PLCE1: variants seen among roughly 807,000 people sequenced by gnomAD.
The protein encoded by PLCE1 is 1-phosphatidylinositol 4,5-bisphosphate phosphodiesterase epsilon-1.
Under a neutral mutation model 242.8 loss-of-function variants are expected in PLCE1, and 119 were observed. The ratio of observed to expected loss-of-function variants is 0.49; its 90% confidence interval spans 0.42 to 0.57. The LOEUF (loss-of-function observed/expected upper bound fraction) is 0.57, where lower values mean the gene tolerates loss of function less well. PLCE1 is among the 20% of genes least tolerant of loss of function. The probability of loss-of-function intolerance (pLI) is 0.00; values close to 1 mark genes in which losing one functional copy is unlikely to be tolerated. For missense variants in PLCE1, 2,441 were observed against 2,788.8 expected, an observed-to-expected ratio of 0.88 and a Z score of 2.81; for synonymous variants, 945 against 1,017.4, an observed-to-expected ratio of 0.93 and a Z score of 1.35.
chr10:94,271,306 C>CT (rs35048796), intron 18 of PLCE1, among the ~76,000 whole-genome samples: 1,965 of 73,332 alleles, frequency 0.027, 366 homozygotes, highest in African/African-American at 0.072. Flanking sequence ...AGAAGATCAT[C>CT]TTTTTTTTTT....
chr10:94,213,118 C>T (rs914764396), intron 4 of PLCE1, among the ~76,000 whole-genome samples: 1 of 152,306 alleles, frequency 6.6e-6, no homozygotes, highest in South Asian at 2.1e-4. Context: ...GGTTACCACT[C>T]CCCAGTTACA....
At chr10:94,319,126 A>C (rs1483564280) in intron 29 of PLCE1, among the ~76,000 whole-genome samples, 1 of 152,188 alleles carries the variant, frequency 6.6e-6, no homozygotes, top group Non-Finnish European at 1.5e-5. Flanking sequence ...AAAGGAAGGC[A>C]TTTTGAAGAA....
intron 30 of PLCE1, 118 bp downstream of exon 30, chr10:94,322,177 AG>A: frequency 1.1e-6 from 1 of 950,420 alleles, no homozygotes; most frequent in Non-Finnish European, 1.7e-6. Context: ...GGGACCTCAA[AG>A]GGGAGTGTGT....
chr10:94,134,848 A>C (rs1195677403), intron 3 of PLCE1, among the ~76,000 whole-genome samples: 1 of 152,200 alleles, frequency 6.6e-6, no homozygotes, highest in East Asian at 1.9e-4. Context: ...TGTTATCTTT[A>C]AATTGGCGTT....
chr10:94,226,171 A>G (rs1173487777), intron 4 of PLCE1, among the ~76,000 whole-genome samples: 1 of 152,264 alleles, frequency 6.6e-6, no homozygotes, highest in African/African-American at 2.4e-5. Context: ...GCTGCATATC[A>G]TAAGGGGAGG....
chr10:94,150,480 C>A (rs2047238948), intron 3 of PLCE1, among the ~76,000 whole-genome samples: 1 of 152,170 alleles, frequency 6.6e-6, no homozygotes, highest in African/African-American at 2.4e-5. Flanking sequence ...GTAGTGATCC[C>A]AATCCACTTC....
intron 2 of PLCE1, among the ~76,000 whole-genome samples, chr10:94,091,752 A>G (rs1402241570): frequency 1.3e-5 from 2 of 152,118 alleles, no homozygotes; most frequent in Non-Finnish European, 2.9e-5. Flanking sequence ...GGAAATAGGG[A>G]AATAGTCAAT....
chr10:93,995,164 C>G lies in PLCE1; in HGVS notation c.-365+906C>G, dbSNP rs2060797123. 3.9e-5 allele frequency among the ~76,000 whole-genome samples: 6 copies of G among 152,186 alleles called. No individual in the cohort carries two copies. In the South Asian group the frequency reaches 1.2e-3, roughly 32 times the overall value. Reference sequence around the variant, plus strand: ...GAGAGCCTGACTTGGGAGGTGGAAGCAGGTGACCCCATAGGTGCTTGTACA... The same window carrying G: ...GAGAGCCTGACTTGGGAGGTGGAAGGAGGTGACCCCATAGGTGCTTGTACA... On this transcript the variant is annotated intron_variant, in intron 1 of 32. Transcript: ENST00000371380.
chr10:94,258,983 C>T lies in PLCE1; in HGVS notation c.3678-31C>T, dbSNP rs561870039. The T allele has an allele frequency of 1.1e-4, 179 of 1,614,012 alleles. 2 individuals carry two copies. In the South Asian group the frequency reaches 1.5e-3, roughly 14 times the overall value. On this transcript the variant is annotated intron_variant, in intron 12 of 32. Transcript: ENST00000371380. Reference sequence around the variant, plus strand: ...GCCCCCCCATTTCTATAAAGATACTCAATGAGAGGTGTTTTCCATTCCTCA... The same window carrying T: ...GCCCCCCCATTTCTATAAAGATACTTAATGAGAGGTGTTTTCCATTCCTCA...
At chr10:94,036,702 G>A (rs1387250928) in intron 2 of PLCE1, among the ~76,000 whole-genome samples, 1 of 152,072 alleles carries the variant, frequency 6.6e-6, no homozygotes, top group Admixed American at 6.6e-5. Context: ...TTGGTTAGGG[G>A]TGTTTTTCCT....
intron 29 of PLCE1, among the ~76,000 whole-genome samples, chr10:94,318,265 T>C (rs1489835072): frequency 1.3e-5 from 2 of 152,318 alleles, no homozygotes; most frequent in Admixed American, 6.5e-5. Context: ...TGATAAAATA[T>C]CAGAGGGCTT....
chr10:94,052,107 T>A (rs1423354116), intron 2 of PLCE1, among the ~76,000 whole-genome samples: 1 of 152,194 alleles, frequency 6.6e-6, no homozygotes, highest in Non-Finnish European at 1.5e-5. Context: ...CATAACTTAT[T>A]TGACTAATGA....
chr10:94,129,235 A>G (rs2046523539), intron 2 of PLCE1, among the ~76,000 whole-genome samples: 1 of 152,268 alleles, frequency 6.6e-6, no homozygotes, highest in South Asian at 2.1e-4. Context: ...TGCAGAGGGC[A>G]AAGAAATGGG....
intron 26 of PLCE1, 89 bp from the exon 27 acceptor site, chr10:94,308,492 C>A (rs1408265023): frequency 2.2e-6 from 2 of 917,432 alleles, no homozygotes. Flanking sequence ...ATTTTAAGGT[C>A]TTTCTACCTG....
rs1257217483 is a variant in PLCE1, at chr10:94,031,748, CT to C, written c.703del (p.Cys235ValfsTer3). On this transcript the variant is annotated frameshift_variant, in exon 2 of 33. Coordinates refer to ENST00000371380, the MANE Select transcript of PLCE1 (RefSeq NM_016341.4). LOFTEE classifies it high-confidence loss of function. The stretch of plus-strand genomic sequence containing the variant: ...AAAAGAAAAACTATGTGGCATATAC[CT>C]GTAAACTGATGGAATTGGCCAAAAA... Reference protein sequence around the residue: ...KQKKNYVAYTCKLMELAKNCD... With the variant: ...KQKKNYVAYTXKLMELAKNCD... 3 of 1,613,662 alleles carry C rather than the reference CT, an allele frequency of 1.9e-6. No homozygotes were observed. The highest frequency in any genetic ancestry group is 2.5e-6 in the Non-Finnish European group (3 of 1,179,896).
chr10:94,147,767 A>G (rs1270621420), intron 3 of PLCE1, among the ~76,000 whole-genome samples: 1 of 152,218 alleles, frequency 6.6e-6, no homozygotes, highest in African/African-American at 2.4e-5. Flanking sequence ...TGTGATCTGA[A>G]CTATCATGGA....
intron 8 of PLCE1, among the ~76,000 whole-genome samples, chr10:94,248,619 G>A (rs988319395): frequency 4.0e-5 from 6 of 150,534 alleles, no homozygotes; most frequent in South Asian, 2.1e-4. Context: ...AAAAATACCC[G>A]CCTCCTGTGT....
At chr10:94,019,765 AT>A (rs141194890) in intron 1 of PLCE1, among the ~76,000 whole-genome samples, 1,762 of 152,324 alleles carry the variant, frequency 0.012, 44 homozygotes, top group African/African-American at 0.041. Flanking sequence ...TAAACTTCAA[AT>A]AAATAGATGC....
chr10:94,294,659 T>G (rs2052748194), intron 23 of PLCE1, among the ~76,000 whole-genome samples: 1 of 152,172 alleles, frequency 6.6e-6, no homozygotes, highest in Admixed American at 6.6e-5. Flanking sequence ...TAGAAAATAC[T>G]TTATTGATAC....
Sources: gnomAD v4.1 joint callset for allele counts (sites outside exome capture counted in the v4.1 genomes callset) on GRCh38, gnomAD v4.1.1 for gene constraint, MANE v1.5 for transcripts, NCBI Gene and HGNC (gene_info 2026-07-23, HGNC 2026-07-21) for gene names.